ERC1: variants seen among roughly 807,000 people sequenced by gnomAD.
The protein encoded by ERC1 is ELKS/RAB6-interacting/CAST family member 1.
In ERC1, 56 loss-of-function variants were observed where a neutral mutation model predicts 132.0. The observed-to-expected ratio is 0.42, with a 90% CI of 0.34 to 0.53. ERC1 has a LOEUF of 0.53. ERC1 is among the 20% of genes least tolerant of loss of function. The probability of loss-of-function intolerance (pLI) is 0.03; values close to 1 mark genes in which losing one functional copy is unlikely to be tolerated. For missense variants in ERC1, 1,202 were observed against 1,349.9 expected, an observed-to-expected ratio of 0.89 and a Z score of 1.72; for synonymous variants, 478 against 476.1, an observed-to-expected ratio of 1.00 and a Z score of -0.05.
chr12:1,032,859 C>G (rs530955401), intron 2 of ERC1, among the ~76,000 whole-genome samples: 151 of 151,750 alleles, frequency 1.0e-3, no homozygotes, highest in Middle Eastern at 3.4e-3. Flanking sequence ...ATAGTACATT[C>G]TCAGGTTTTT....
intron 8 of ERC1, among the ~76,000 whole-genome samples, chr12:1,163,951 A>G (rs1482272910): frequency 2.6e-5 from 4 of 152,276 alleles, no homozygotes; most frequent in African/African-American, 7.2e-5. Context: ...CCTGGCTTCA[A>G]GTGATCCGCC....
chr12:1,126,361 G>A lies in ERC1; in HGVS notation c.1569+10328G>A, dbSNP rs142419052. 9.8e-5 allele frequency among the ~76,000 whole-genome samples: 9 copies of A among 91,670 alleles called. 1 individual carries two copies. In the East Asian group the frequency reaches 6.3e-3, roughly 64 times the overall value. The allele number at this position is 91,670 out of a possible 152,430, so 60.1% of individuals were successfully genotyped here. On this transcript the variant is annotated intron_variant, in intron 7 of 18. Transcript: ENST00000360905. ...GGAGTGTGAAATCAGAAACATTTAT[G>A]TGGAGAGATAGTCAGTCATAAACTA...
rs139142338 is a variant in ERC1 at position 1,419,796 on chromosome 12, T to G, written c.3024+11549T>G. Among the ~76,000 whole-genome samples, 5 of 151,654 alleles carry G rather than the reference T, an allele frequency of 3.3e-5. No individual in the cohort carries two copies. In the East Asian group the frequency reaches 9.7e-4, roughly 29 times the overall value. ...CAAATGGTTAAGATGGTGAATTTTA[T>G]GTTATGTGTATTTTGCTACAATTTT... On this transcript the variant is annotated intron_variant, in intron 17 of 18. Coordinates refer to ENST00000360905, the MANE Select transcript of ERC1 (RefSeq NM_178040.4).
intron 18 of ERC1, among the ~76,000 whole-genome samples, chr12:1,472,596 G>A (rs918214190): frequency 6.6e-6 from 1 of 151,482 alleles, no homozygotes; most frequent in African/African-American, 2.4e-5. Context: ...ATTGCAGTGA[G>A]CCGTGATCAC....
At chr12:1,257,783 G>A (rs1227858219) in intron 13 of ERC1, among the ~76,000 whole-genome samples, 3 of 151,812 alleles carry the variant, frequency 2.0e-5, no homozygotes, top group South Asian at 2.1e-4. Flanking sequence ...TGAGCCACAC[G>A]TATAATTTTG....
chr12:996,736 A>G (rs752394314), intron 1 of ERC1, among the ~76,000 whole-genome samples: 6 of 152,228 alleles, frequency 3.9e-5, no homozygotes, highest in Non-Finnish European at 8.8e-5. Context: ...ATTAGAAGGT[A>G]TAAGAGAATA....
chr12:1,057,129 G>GT (rs1435069383), intron 2 of ERC1, among the ~76,000 whole-genome samples: 6 of 151,956 alleles, frequency 3.9e-5, no homozygotes, highest in African/African-American at 9.7e-5. Context: ...TATTTTTAGT[G>GT]TTTTTTTGTT....
chr12:1,101,087 A>G (rs1279281368), intron 3 of ERC1, among the ~76,000 whole-genome samples: 1 of 152,116 alleles, frequency 6.6e-6, no homozygotes, highest in Non-Finnish European at 1.5e-5. Context: ...GGTGCTAGCA[A>G]TGTGGAGGTC....
rs569924673 is a variant in ERC1 at position 1,009,113 on chromosome 12, C to T, written c.-157+17791C>T. On this transcript the variant is annotated intron_variant, in intron 1 of 18. Transcript: ENST00000360905. ...CTTGGTGCTCCATTTAAAACAAAATCGATAAAAGCATCTTGGTGAGAGTAT... is the reference window on the plus strand; with the variant it reads ...CTTGGTGCTCCATTTAAAACAAAATTGATAAAAGCATCTTGGTGAGAGTAT... Among the ~76,000 whole-genome samples the T allele has an allele frequency of 4.0e-5, 6 of 151,242 alleles. No homozygotes were observed. The East Asian group carries it at 9.7e-4, about 24-fold the overall frequency.
At chr12:1,482,349 A>G (rs2094109783) in intron 18 of ERC1, among the ~76,000 whole-genome samples, 4 of 145,580 alleles carry the variant, frequency 2.7e-5, no homozygotes, top group Admixed American at 2.7e-4. Context: ...CAGACTACTG[A>G]AGGCAGTAGC....
chr12:1,186,770 A>G (rs1955140270), intron 11 of ERC1, among the ~76,000 whole-genome samples: 1 of 152,220 alleles, frequency 6.6e-6, no homozygotes. Flanking sequence ...GTGACTATGG[A>G]CAGAAGAAAT....
intron 7 of ERC1, among the ~76,000 whole-genome samples, chr12:1,128,201 G>A (rs909982066): frequency 6.6e-6 from 1 of 152,156 alleles, no homozygotes; most frequent in Non-Finnish European, 1.5e-5. Context: ...AATAATGGGA[G>A]TAAGAACAAA....
At chr12:1,094,088 A>T (rs915981669) in intron 3 of ERC1, among the ~76,000 whole-genome samples, 8 of 147,898 alleles carry the variant, frequency 5.4e-5, no homozygotes, top group Non-Finnish European at 1.0e-4. Context: ...GTGCAATCTC[A>T]GCTCACCGCA....
chr12:1,019,104 C>A (rs898528648), intron 1 of ERC1, among the ~76,000 whole-genome samples: 1 of 152,090 alleles, frequency 6.6e-6, no homozygotes, highest in Non-Finnish European at 1.5e-5. Context: ...ATCTCATATG[C>A]ACTACCAAGG....
intron 14 of ERC1, among the ~76,000 whole-genome samples, chr12:1,287,134 A>G (rs2079090196): frequency 6.6e-6 from 1 of 152,320 alleles, no homozygotes. Flanking sequence ...AGTATACTTG[A>G]TATATATCAA....
intron 1 of ERC1, among the ~76,000 whole-genome samples, chr12:992,655 A>G (rs550030677): frequency 6.6e-6 from 1 of 152,320 alleles, no homozygotes; most frequent in South Asian, 2.1e-4. Context: ...AGCAGTGTTC[A>G]ATGTTCTTCA....
chr12:1,280,315 TG>T (rs780034159), intron 14 of ERC1, among the ~76,000 whole-genome samples: 4 of 152,204 alleles, frequency 2.6e-5, no homozygotes, highest in Non-Finnish European at 4.4e-5. Flanking sequence ...TATTTTTTTC[TG>T]GAGAAATGTG....
rs2091624865 is a variant in ERC1, at chr12:1,408,139, T to C, written c.2926-10T>C. 1 of 1,605,764 alleles carries C rather than the reference T, an allele frequency of 6.2e-7. No individual in the cohort carries two copies. Among genetic ancestry groups the C allele is most frequent in the Non-Finnish European group, 8.5e-7 (1 of 1,172,708 alleles). On this transcript the variant is annotated splice_polypyrimidine_tract_variant and intron_variant, in intron 16 of 18. Transcript: ENST00000360905. ...ACTTAAATTTAACCTTATGAATAAT[T>C]TCTTCCTAGACGCAAAATCGAATGA...
chr12:1,000,580 T>C (rs1249767742), intron 1 of ERC1, among the ~76,000 whole-genome samples: 1 of 151,408 alleles, frequency 6.6e-6, no homozygotes, highest in East Asian at 1.9e-4. Flanking sequence ...CTGGCCAACA[T>C]GGTGAAACCC....
Sources: allele counts gnomAD v4.1 joint callset (sites outside exome capture counted in the v4.1 genomes callset), GRCh38; gene constraint gnomAD v4.1.1; transcripts MANE v1.5; gene names NCBI Gene and HGNC (gene_info 2026-07-23, HGNC 2026-07-21).